Variants in MYO18A observed in about 807,000 individuals in gnomAD.
MYO18A encodes the protein myosin XVIIIA.
Under a neutral mutation model 235.8 loss-of-function variants are expected in MYO18A, and 78 were observed. The ratio of observed to expected loss-of-function variants is 0.33; its 90% confidence interval spans 0.28 to 0.40. The LOEUF (loss-of-function observed/expected upper bound fraction) is 0.40. Ranked by LOEUF, MYO18A falls within the 10% of genes least tolerant of loss-of-function variation. The pLI is 1.00. For synonymous variants in MYO18A, 977 were observed against 1,077.8 expected (o/e 0.91, Z 1.83); for missense variants, 2,215 against 2,699.3 (o/e 0.82, Z 3.98).
chr17:29,115,624 G>C (rs1198835270), intron 12 of MYO18A, 40 bp downstream of exon 12: 1 of 1,549,944 alleles, frequency 6.5e-7, no homozygotes, highest in Non-Finnish European at 8.7e-7. Flanking sequence ...CCCAGATGAG[G>C]CCTCACACTC....
chr17:29,115,933 G>A, intron 11 of MYO18A, 93 bp from the exon 12 acceptor site: 2 of 1,430,526 alleles, frequency 1.4e-6, no homozygotes, highest in Non-Finnish European at 1.9e-6. Context: ...GCATCTTCTG[G>A]AGGCAAAAGC....
intron 1 of MYO18A, among the ~76,000 whole-genome samples, chr17:29,173,153 G>T (rs948331470): frequency 4.5e-4 from 68 of 150,484 alleles, no homozygotes; most frequent in Non-Finnish European, 4.4e-4. Context: ...GGAGTGCAAT[G>T]GCCCGATTTC....
chr17:29,139,602 C>A (rs2067688102), intron 2 of MYO18A, among the ~76,000 whole-genome samples: 1 of 152,170 alleles, frequency 6.6e-6, no homozygotes, highest in Non-Finnish European at 1.5e-5. Flanking sequence ...CAACTGAAAA[C>A]CTTACCCTTG....
rs1199001076 is a variant in MYO18A at position 29,166,172 on chromosome 17, C to A, written c.769G>T (p.Ala257Ser). Reference protein sequence around the residue: ...GQACRRVVHFAEPGAGTKDLA... With the variant: ...GQACRRVVHFSEPGAGTKDLA... ...TCCTTGGTGCCTGCACCAGGCTCAG[C>A]AAAGTGGACCACACGCCGACAGGCC... is the stretch of plus-strand genomic sequence containing the variant. Residue 257 changes from alanine (A) to serine (S), a missense_variant, in exon 2 of 42, where the codon GCT (alanine) becomes TCT (serine). Coordinates refer to ENST00000527372, the MANE Select transcript of MYO18A (RefSeq NM_078471.4). The A allele has an allele frequency of 2.5e-6, 4 of 1,613,010 alleles. No individual in the cohort carries two copies. The highest frequency in any genetic ancestry group is 3.4e-6 in the Non-Finnish European group (4 of 1,179,896).
chr17:29,162,587 T>C lies in MYO18A; in HGVS notation c.999+3355A>G, dbSNP rs558619329. The stretch of plus-strand genomic sequence containing the variant: ...CTCCCAGCACCAGGACTGGCCCCTG[T>C]GGTTGAGCTTCTCAGAGGGTACTGT... On this transcript the variant is annotated intron_variant, in intron 2 of 41. Coordinates refer to ENST00000527372, the MANE Select transcript of MYO18A (RefSeq NM_078471.4). Among the ~76,000 whole-genome samples the C allele has an allele frequency of 7.9e-5, 12 of 152,326 alleles. 1 individual carries two copies. The highest frequency in any genetic ancestry group is 3.4e-3 in the Middle Eastern group (1 of 294).
chr17:29,095,247 T>C lies in MYO18A; in HGVS notation c.4386-188A>G, dbSNP rs369565416. 2.6e-4 allele frequency among the ~76,000 whole-genome samples: 39 copies of C among 152,288 alleles called. No homozygotes were observed. In the East Asian group the frequency reaches 4.6e-3, roughly 18 times the overall value. On this transcript the variant is annotated intron_variant, in intron 28 of 41. Transcript: ENST00000527372. ...GGCAGGTCAGGCCACTGAGGCCCTA[T>C]TGAGCAACTGGGTTGGGATAGGGAG... is the stretch of plus-strand genomic sequence containing the variant.
At chr17:29,116,624 C>CACACACACACACACAG (rs2067071667) in intron 10 of MYO18A, among the ~76,000 whole-genome samples, 169 bp from the exon 11 acceptor site, 1 of 149,162 alleles carries the variant, frequency 6.7e-6, no homozygotes, top group Non-Finnish European at 1.5e-5. Context: ...CACACACACA[C>CACACACACACACACAG]AGTCTCCAGG....
chr17:29,145,331 A>G (rs1763174331), intron 2 of MYO18A, among the ~76,000 whole-genome samples: 2 of 152,210 alleles, frequency 1.3e-5, no homozygotes, highest in African/African-American at 2.4e-5. Context: ...GTGTGGTGAC[A>G]ACTTCAACTG....
chr17:29,178,602 C>CA, intron 1 of MYO18A, among the ~76,000 whole-genome samples: 1 of 152,118 alleles, frequency 6.6e-6, no homozygotes, highest in African/African-American at 2.4e-5. Context: ...GGAAAGACTT[C>CA]ATCACAAAAA....
chr17:29,125,566 T>C lies in MYO18A; in HGVS notation c.1000-3313A>G, dbSNP rs1212625789. Among the ~76,000 whole-genome samples, 1 of 152,158 alleles carries C rather than the reference T, an allele frequency of 6.6e-6. No homozygotes were observed. Among genetic ancestry groups the C allele is most frequent in the South Asian group, 2.1e-4 (1 of 4,830 alleles). On this transcript the variant is annotated intron_variant, in intron 2 of 41. Coordinates refer to ENST00000527372, the MANE Select transcript of MYO18A (RefSeq NM_078471.4). The surrounding 1 kb of genome is among the most constrained non-coding windows in gnomAD (Gnocchi z 5.1). ...GTCTAGAGAGCCAGGTCACCAAAAA[T>C]AGCGACAGCAACCTTCCTTACCACC... is the stretch of plus-strand genomic sequence containing the variant.
intron 41 of MYO18A, among the ~76,000 whole-genome samples, chr17:29,081,857 C>A (rs1434875709): frequency 2.6e-5 from 4 of 152,056 alleles, no homozygotes; most frequent in Non-Finnish European, 5.9e-5. Context: ...AGAGAATGGG[C>A]AGAAAAAGAC....
intron 14 of MYO18A, among the ~76,000 whole-genome samples, chr17:29,114,687 A>G (rs2067013462): frequency 6.6e-6 from 1 of 152,326 alleles, no homozygotes; most frequent in Middle Eastern, 3.4e-3. Context: ...GGGGCCCTCA[A>G]TGCACCTGTA....
chr17:29,080,670 C>T (rs558830241), intron 41 of MYO18A: 49 of 985,598 alleles, frequency 5.0e-5, no homozygotes, highest in Middle Eastern at 1.0e-3. Context: ...CCCGGCTGAC[C>T]GGTGCAGAGA....
intron 15 of MYO18A, among the ~76,000 whole-genome samples, chr17:29,113,411 C>A (rs904318757): frequency 6.6e-6 from 1 of 152,218 alleles, no homozygotes; most frequent in Non-Finnish European, 1.5e-5. Flanking sequence ...AGTCCCCCAC[C>A]GAGTGCCAAG....
chr17:29,166,313 C>G lies in MYO18A; in HGVS notation c.628G>C (p.Val210Leu). Residue 210 changes from valine (V) to leucine (L), a missense_variant, in exon 2 of 42, where the codon GTG becomes CTG. Transcript: ENST00000527372. ...AGGGTAGGTGGGGGCAGGGGCACCA[C>G]GGGGGGCAGGCGCAGGTCGACTGGG... ...KFPVDLRLPP[V>L]VPLPPPTLRE... 1 of 1,612,512 alleles carries G rather than the reference C, an allele frequency of 6.2e-7. No homozygotes were observed. Among genetic ancestry groups the G allele is most frequent in the Non-Finnish European group, 8.5e-7 (1 of 1,179,876 alleles).
At position 29,121,498 on chromosome 17, in the gene MYO18A, G is replaced by C. The variant is rs1225298202; in HGVS notation, c.1371+49C>G. On this transcript the variant is annotated intron_variant, in intron 5 of 41. Transcript: ENST00000527372. The surrounding 1 kb of genome is among the most constrained non-coding windows in gnomAD (Gnocchi z 4.2). ...CACAGGGGAAGGGCAGAGAGCCAGG[G>C]CAGGGGGTGGGACCAGGAGTCTGCA... 17 of 1,528,202 alleles carry C rather than the reference G, an allele frequency of 1.1e-5. No individual in the cohort carries two copies. The highest frequency in any genetic ancestry group is 1.5e-5 in the Non-Finnish European group (17 of 1,133,806). 94.7% of individuals were successfully genotyped at this position (1,528,202 alleles called of 1,614,324 possible). A position where few individuals can be genotyped will look rare whatever the true frequency, so the allele number is the denominator to read the frequency against.
At chr17:29,114,124 A>G in intron 14 of MYO18A, 27 bp from the exon 15 acceptor site, 1 of 1,543,572 alleles carries the variant, frequency 6.5e-7, no homozygotes, top group Non-Finnish European at 8.8e-7. Context: ...AGCGGTAGTG[A>G]GCATGGGGGT....
intron 2 of MYO18A, among the ~76,000 whole-genome samples, chr17:29,146,325 T>C (rs909801943): frequency 6.6e-6 from 1 of 152,052 alleles, no homozygotes. Context: ...ATGTGGACAG[T>C]AAGTCTGGAA....
intron 31 of MYO18A, 81 bp downstream of exon 31, chr17:29,093,899 G>T: frequency 1.0e-6 from 1 of 978,650 alleles, no homozygotes; most frequent in Non-Finnish European, 1.5e-6. Context: ...GGCTGAGGTA[G>T]GGAGGTGGAA....
Sources: allele counts gnomAD v4.1 joint callset (sites outside exome capture counted in the v4.1 genomes callset), GRCh38; gene constraint gnomAD v4.1.1; non-coding constraint Gnocchi (gnomAD v3.1); transcripts MANE v1.5; gene names NCBI Gene and HGNC (gene_info 2026-07-23, HGNC 2026-07-21).